Variants in ACSL3 observed in about 807,000 individuals in gnomAD.
The protein encoded by ACSL3 is acyl-CoA synthetase long chain family member 3.
ACSL3 carries 34 observed loss-of-function variants against 84.7 expected under a neutral mutation model. The observed-to-expected ratio is 0.40, with a 90% CI of 0.31 to 0.53. ACSL3 has a LOEUF of 0.53. Among genes scored for constraint, ACSL3 ranks in the 20% least tolerant of loss-of-function variants. The pLI is 0.48. For missense variants in ACSL3, 680 were observed against 873.1 expected, an observed-to-expected ratio of 0.78 and a Z score of 2.79; for synonymous variants, 315 against 299.4, an observed-to-expected ratio of 1.05 and a Z score of -0.54.
rs756671786 is a variant in ACSL3 at position 222,921,301 on chromosome 2, C to A, written c.827C>A (p.Pro276Gln). The A allele has an allele frequency of 1.3e-6, 2 of 1,596,522 alleles. No individual in the cohort carries two copies. The highest frequency in any genetic ancestry group is 4.5e-5 in the East Asian group (2 of 44,302). Residue 276 changes from proline to glutamine, a missense_variant, in exon 8 of 17, where the codon CCA becomes CAA. Physicochemically the swap from Pro to Gln is moderately conservative, Grantham distance 76. Transcript: ENST00000357430. ...GCAGAAAACCAACCTCATAGCAAACCATTGCCCTCAGATATTGCAGTAATC... is the reference window on the plus strand; with the variant it reads ...GCAGAAAACCAACCTCATAGCAAACAATTGCCCTCAGATATTGCAGTAATC... The part of the protein sequence containing the change: ...ASMENQPHSK[P>Q]LPSDIAVIMY...
intron 1 of ACSL3, among the ~76,000 whole-genome samples, chr2:222,866,840 CTTTTTT>C (rs768574686): frequency 7.2e-5 from 8 of 111,870 alleles, no homozygotes; most frequent in African/African-American, 2.0e-4. Flanking sequence ...TTTTCTTTTT[CTTTTTT>C]TTTTTTGAGA....
Position 222,927,086 on chromosome 2 carries a change from A to G in ACSL3, c.1362A>G (p.Pro454=). 6.2e-7 allele frequency: 1 copy of G among 1,614,132 alleles called. No individual in the cohort carries two copies. Among genetic ancestry groups the G allele is most frequent in the Non-Finnish European group, 8.5e-7 (1 of 1,180,022 alleles). The stretch of plus-strand genomic sequence containing the variant: ...GTCTCCTGTTGTGTGGTGGCGCTCC[A>G]CTTTCTGCAACCACGCAGCGATTCA... ...NIRLLLCGGA[P]LSATTQRFMN... Residue 454 remains proline (P), a synonymous_variant, in exon 12 of 17, where the codon CCA becomes CCG. Coordinates refer to ENST00000357430, the MANE Select transcript of ACSL3 (RefSeq NM_004457.5).
chr2:222,865,475 A>G (rs1361571438), intron 1 of ACSL3, among the ~76,000 whole-genome samples: 1 of 152,244 alleles, frequency 6.6e-6, no homozygotes, highest in Admixed American at 6.5e-5. Flanking sequence ...GGTACTCGGA[A>G]TTTGGAAATG....
intron 3 of ACSL3, among the ~76,000 whole-genome samples, chr2:222,906,007 T>C (rs1372440656): frequency 1.3e-5 from 2 of 152,200 alleles, no homozygotes; most frequent in African/African-American, 2.4e-5. Context: ...TTCCCTTCTT[T>C]CTGTGTGTCA....
rs1696632683 is a variant in ACSL3, at chr2:222,918,081, A to G, written c.592A>G (p.Ile198Val). The change falls in exon 6 of 17, where the codon ATT becomes GTT. Residue 198 changes from isoleucine to valine, a missense_variant. Physicochemically the swap from Ile to Val is conservative, Grantham distance 29 (BLOSUM62 3). Around this residue, in one of 2 missense-constraint regions of ACSL3, gnomAD observed 333 missense variants for 347.5 expected, o/e 0.96. Transcript: ENST00000357430. ...ATATGCCACTCTAGGAGGTCCAGCC[A>G]TTGTTCATGCATTAAATGAAACAGA... ...TLYATLGGPA[I>V]VHALNETEVT... 1.7e-5 allele frequency: 28 copies of G among 1,612,566 alleles called. No individual in the cohort carries two copies. The highest frequency in any genetic ancestry group is 2.2e-5 in the Non-Finnish European group (26 of 1,179,206).
rs943992207 is a variant in ACSL3 at position 222,922,159 on chromosome 2, G to A, written c.957-549G>A. Among the ~76,000 whole-genome samples the A allele has an allele frequency of 2.6e-5, 4 of 152,162 alleles. No individual in the cohort carries two copies. In the East Asian group the frequency reaches 7.7e-4, roughly 29 times the overall value. ...TTTGGTTATGGGGGCAGCTCTTGAA[G>A]TATATACAAATACTTACACATTTTC... On this transcript the variant is annotated intron_variant, in intron 8 of 16. Transcript: ENST00000357430.
chr2:222,917,214 C>T lies in ACSL3; in HGVS notation c.556+718C>T, dbSNP rs1436540269. Among the ~76,000 whole-genome samples the T allele has an allele frequency of 2.6e-5, 4 of 152,076 alleles. 1 individual carries two copies. Among genetic ancestry groups the T allele is most frequent in the South Asian group, 4.2e-4 (2 of 4,818 alleles). On this transcript the variant is annotated intron_variant, in intron 5 of 16. Transcript: ENST00000357430. Reference sequence around the variant, plus strand: ...AAGCAATTCTCCTGCCTTAGCCTCTCGAGTAGCTGGGACTGCAGGCGCATG... The same window carrying T: ...AAGCAATTCTCCTGCCTTAGCCTCTTGAGTAGCTGGGACTGCAGGCGCATG...
intron 1 of ACSL3, among the ~76,000 whole-genome samples, chr2:222,884,282 C>A (rs533545713): frequency 5.9e-5 from 9 of 152,296 alleles, no homozygotes; most frequent in African/African-American, 2.2e-4. Context: ...TTTAAGAGAT[C>A]TGGATAATGT....
chr2:222,889,368 G>T (rs1041471328), intron 2 of ACSL3, among the ~76,000 whole-genome samples: 3 of 152,210 alleles, frequency 2.0e-5, no homozygotes, highest in Admixed American at 2.0e-4. Flanking sequence ...AGAGAAATAA[G>T]ACTCGTAGTC....
rs371856738 is a variant in ACSL3 at position 222,934,727 on chromosome 2, G to T, written c.2005+40G>T. ...AAACTGATACTAAAAACTGAGATGG[G>T]AAGAGAGTACTTACATGCATTCAAC... On this transcript the variant is annotated intron_variant, in intron 16 of 16. Coordinates refer to ENST00000357430, the MANE Select transcript of ACSL3 (RefSeq NM_004457.5). 44 of 1,591,140 alleles carry T rather than the reference G, an allele frequency of 2.8e-5. No homozygotes were observed. In the African/African-American group the frequency reaches 5.7e-4, roughly 21 times the overall value.
In ACSL3 at chr2:222,873,621, G is replaced by A. The variant is rs114289799; in HGVS notation, c.-207+12363G>A. 6.0e-3 allele frequency among the ~76,000 whole-genome samples: 919 copies of A among 152,266 alleles called. 6 individuals carry two copies. The highest frequency in any genetic ancestry group is 0.011 in the Non-Finnish European group (727 of 68,016). ...TTTCGGTCCTGATACCTGTTTGTGT[G>A]TATGTTAACAAAAGTGGAAATATAT... On this transcript the variant is annotated intron_variant, in intron 1 of 16. Coordinates refer to ENST00000357430, the MANE Select transcript of ACSL3 (RefSeq NM_004457.5).
chr2:222,880,471 G>T (rs917569789), intron 1 of ACSL3, among the ~76,000 whole-genome samples: 1 of 151,938 alleles, frequency 6.6e-6, no homozygotes, highest in African/African-American at 2.4e-5. Flanking sequence ...TTAAACTTGC[G>T]TTTGCTATTG....
chr2:222,909,237 A>G, intron 4 of ACSL3, 87 bp downstream of exon 4: 2 of 1,332,816 alleles, frequency 1.5e-6, no homozygotes, highest in East Asian at 2.4e-5. Flanking sequence ...GCCTGCCTCC[A>G]TTAGAATTCG....
At chr2:222,939,432 G>A (rs1697249244) in intron 16 of ACSL3, among the ~76,000 whole-genome samples, 1 of 152,192 alleles carries the variant, frequency 6.6e-6, no homozygotes. Context: ...CACTGGTGCT[G>A]TAGTTGGCCA....
In ACSL3 at chr2:222,908,866, C is replaced by T; in HGVS notation, c.94C>T (p.Leu32Phe). The part of the protein sequence containing the change: ...LLYFIHFLIS[L>F]YTILTYIPFY... ...ATATTTTATACATTTTCTAATATCA[C>T]TTTATACTATTTTAACATACATTCC... Residue 32 changes from leucine to phenylalanine, a missense_variant, in exon 4 of 17, where the codon CTT (leucine) becomes TTT (phenylalanine). Physicochemically the swap from Leu to Phe is conservative, Grantham distance 22. Around this residue, in one of 2 missense-constraint regions of ACSL3, gnomAD observed 333 missense variants for 347.5 expected, o/e 0.96. Transcript: ENST00000357430. 3 of 1,607,194 alleles carry T rather than the reference C, an allele frequency of 1.9e-6. No homozygotes were observed. The highest frequency in any genetic ancestry group is 2.6e-6 in the Non-Finnish European group (3 of 1,175,210).
At chr2:222,938,416 C>A (rs1021557746) in intron 16 of ACSL3, among the ~76,000 whole-genome samples, 1 of 152,116 alleles carries the variant, frequency 6.6e-6, no homozygotes, top group African/African-American at 2.4e-5. Context: ...TTTCGAAGGA[C>A]AGGTTTAGGT....
chr2:222,939,460 C>T (rs1369157895), intron 16 of ACSL3, among the ~76,000 whole-genome samples: 2 of 152,148 alleles, frequency 1.3e-5, no homozygotes, highest in African/African-American at 4.8e-5. Context: ...GGAGCTCTAC[C>T]TAGTGTCTGT....
intron 7 of ACSL3, among the ~76,000 whole-genome samples, chr2:222,920,785 C>A (rs921462477): frequency 4.6e-5 from 7 of 152,144 alleles, no homozygotes; most frequent in Admixed American, 1.3e-4. Flanking sequence ...AGCCACTTGA[C>A]TATTGTTTCT....
chr2:222,918,933 G>A, intron 6 of ACSL3, 131 bp from the exon 7 acceptor site: 2 of 1,026,676 alleles, frequency 1.9e-6, no homozygotes, highest in South Asian at 1.7e-5. Flanking sequence ...TATTATGCCA[G>A]TGTACCCTTT....
Sources: allele counts gnomAD v4.1 joint callset (sites outside exome capture counted in the v4.1 genomes callset), GRCh38; gene constraint gnomAD v4.1.1; regional missense constraint gnomAD v4.1.1; transcripts MANE v1.5; gene names NCBI Gene and HGNC (gene_info 2026-07-23, HGNC 2026-07-21).